SLC25A18: variants seen among roughly 807,000 people sequenced by gnomAD.
SLC25A18 encodes solute carrier family 25 member 18, also known as mitochondrial glutamate carrier 2.
A neutral mutation model predicts 31.1 loss-of-function variants in SLC25A18; 24 were observed. The ratio of observed to expected loss-of-function variants is 0.77; its 90% CI spans 0.56 to 1.08. SLC25A18 has a LOEUF of 1.08. Ranked by LOEUF, SLC25A18 falls within the 50% of genes least tolerant of loss-of-function variation. The pLI is 0.00. For missense variants in SLC25A18, 371 were observed against 418.5 expected (o/e 0.89, Z 0.99); for synonymous variants, 173 against 161.9 (o/e 1.07, Z -0.52).
intron 9 of SLC25A18, chr22:17,589,173 GTTTT>G (rs142475005): frequency 1.3e-5 from 2 of 149,602 alleles, no homozygotes; most frequent in Non-Finnish European, 2.9e-5. Context: ...CCTCATGACC[GTTTT>G]TTTTTTTCTT....
chr22:17,582,772 A>G, intron 6 of SLC25A18, 119 bp downstream of exon 6: 2 of 862,254 alleles, frequency 2.3e-6, no homozygotes, highest in Non-Finnish European at 3.7e-6. Context: ...ATATGTGCAC[A>G]CATGGCTGAG....
rs1037913597 is a variant in SLC25A18, at chr22:17,572,791, G to A, written c.-201+2805G>A. ...CGAGTAGCTGGGACTACAGGCGCCC[G>A]CCACCACGCCCGGCTAATTTTTTGT... On this transcript the variant is annotated intron_variant, in intron 2 of 10. Coordinates refer to ENST00000327451, the MANE Select transcript of SLC25A18 (RefSeq NM_031481.3). 5.3e-4 allele frequency among the ~76,000 whole-genome samples: 79 copies of A among 148,534 alleles called. 1 individual carries two copies. The highest frequency in any genetic ancestry group is 1.4e-3 in the African/African-American group (55 of 38,832).
In SLC25A18 at chr22:17,587,994, C is replaced by T. The variant is rs773373791; in HGVS notation, c.645C>T (p.Leu215=). 6.2e-6 allele frequency: 10 copies of T among 1,614,202 alleles called. No homozygotes were observed. The highest frequency in any genetic ancestry group is 4.4e-5 in the South Asian group (4 of 91,080). Residue 215 remains leucine (L), a synonymous_variant, in exon 9 of 11, where the codon CTC becomes CTT. Transcript: ENST00000327451. ...ANLNNLGFNE[L]AGKASFAHSF... ...TTAACAACCTGGGGTTCAACGAGCT[C>T]GCCGGTAAGGCGTCCTTTGCACATT...
At chr22:17,581,010 C>T (rs948116849) in intron 3 of SLC25A18, 27 bp from the exon 4 acceptor site, 1 of 1,529,810 alleles carries the variant, frequency 6.5e-7, no homozygotes, top group Non-Finnish European at 8.8e-7. Context: ...CTGCCTCTCT[C>T]CTCCCCCTGT....
At chr22:17,580,028 A>T in intron 3 of SLC25A18, 64 bp downstream of exon 3, 2 of 1,510,158 alleles carry the variant, frequency 1.3e-6, no homozygotes, top group African/African-American at 1.4e-5. Flanking sequence ...CGCTGTGGTG[A>T]TAGCACATCC....
chr22:17,585,581 A>G lies in SLC25A18; in HGVS notation c.410-1555A>G, dbSNP rs191568989. Among the ~76,000 whole-genome samples the G allele has an allele frequency of 1.3e-4, 20 of 151,806 alleles. 1 individual carries two copies. The East Asian group carries it at 2.7e-3, about 21-fold the overall frequency. ...GAAATACAGAATTTCAGTGTCACAA[A>G]TCCCATGGTTATTAATGGGGCTCAC... On this transcript the variant is annotated intron_variant, in intron 7 of 10. Transcript: ENST00000327451.
At chr22:17,575,415 A>G (rs1180459642) in intron 2 of SLC25A18, among the ~76,000 whole-genome samples, 1 of 152,210 alleles carries the variant, frequency 6.6e-6, no homozygotes, top group African/African-American at 2.4e-5. Context: ...CTGTGCAGTA[A>G]TAAGGCAGAA....
chr22:17,588,988 C>A (rs1361562011), intron 9 of SLC25A18: 1 of 151,058 alleles, frequency 6.6e-6, no homozygotes, highest in Non-Finnish European at 1.5e-5. Context: ...CACTTGAGCC[C>A]AGATGGTTGA....
chr22:17,569,918 C>T lies in SLC25A18; in HGVS notation c.-263-6C>T, dbSNP rs2057043137. The T allele has an allele frequency of 2.0e-6, 2 of 985,562 alleles. No homozygotes were observed. The highest frequency in any genetic ancestry group is 1.1e-4 in the East Asian group (1 of 8,818). 61.1% of individuals were successfully genotyped at this position (985,562 alleles called of 1,614,324 possible). A position where few individuals can be genotyped will look rare whatever the true frequency, so the allele number is the denominator to read the frequency against. ...GGCTGACACTGAAAGCCACCTCTCC[C>T]TGCAGCTCAGCAGCGATCTGAACTA... On this transcript the variant is annotated splice_polypyrimidine_tract_variant and splice_region_variant and intron_variant, in intron 1 of 10. Transcript: ENST00000327451.
chr22:17,581,518 CA>C, intron 5 of SLC25A18, 105 bp downstream of exon 5: 1 of 1,293,956 alleles, frequency 7.7e-7, no homozygotes, highest in Non-Finnish European at 1.1e-6. Flanking sequence ...CCAGGGCTGC[CA>C]GGGGGTCCTT....
chr22:17,581,201 G>A (rs748221541), intron 4 of SLC25A18, 42 bp downstream of exon 4: 9 of 1,569,394 alleles, frequency 5.7e-6, no homozygotes, highest in Non-Finnish European at 7.8e-6. Flanking sequence ...AGGCGCCCGG[G>A]GGAGGGATGG....
rs1019982083 is a variant in SLC25A18, at chr22:17,579,743, A to G, written c.-200-2A>G. 3.5e-5 allele frequency: 49 copies of G among 1,387,482 alleles called. No homozygotes were observed. The highest frequency in any genetic ancestry group is 4.4e-5 in the Non-Finnish European group (47 of 1,072,572). The allele number at this position is 1,387,482 out of a possible 1,614,324, so 85.9% of individuals were successfully genotyped here. ...GTGAGTGTTTCTCTGACTACTTTGC[A>G]GGGGAGGAAGCCGCAGCCCAAGGAG... On this transcript the variant is annotated splice_acceptor_variant, in intron 2 of 10. Coordinates refer to ENST00000327451, the MANE Select transcript of SLC25A18 (RefSeq NM_031481.3). LOFTEE classifies it low-confidence loss of function (5UTR_SPLICE).
Position 17,590,393 on chromosome 22 carries a change from C to A in SLC25A18, c.*157C>A. 1 of 820,220 alleles carries A rather than the reference C, an allele frequency of 1.2e-6. No homozygotes were observed. Among genetic ancestry groups the A allele is most frequent in the South Asian group, 2.0e-5 (1 of 49,952 alleles). 50.8% of individuals were successfully genotyped at this position (820,220 alleles called of 1,614,324 possible). A position where few individuals can be genotyped will look rare whatever the true frequency, so the allele number is the denominator to read the frequency against. On this transcript the variant is annotated 3_prime_UTR_variant, in exon 11 of 11. Transcript: ENST00000327451. The stretch of plus-strand genomic sequence containing the variant: ...CGGGAGAAACAGCCCTATATTCTAA[C>A]AAGTTGAGCACAGCCTTCTTCCCCT...
chr22:17,577,346 T>G (rs1267775586), intron 2 of SLC25A18, among the ~76,000 whole-genome samples: 1 of 150,072 alleles, frequency 6.7e-6, no homozygotes, highest in African/African-American at 2.5e-5. Flanking sequence ...TTAGTAGAGA[T>G]GGGGTTTCTC....
At chr22:17,566,582 T>C (rs1468377497) in intron 1 of SLC25A18, among the ~76,000 whole-genome samples, 3 of 152,098 alleles carry the variant, frequency 2.0e-5, no homozygotes, top group South Asian at 2.1e-4. Flanking sequence ...CCAGTTAATT[T>C]TGTATTTTTA....
rs1020877274 is a variant in SLC25A18 at position 17,579,756 on chromosome 22, G to A, written c.-189G>A. ...TGACTACTTTGCAGGGGAGGAAGCC[G>A]CAGCCCAAGGAGGTCGTCACTTGCC... On this transcript the variant is annotated 5_prime_UTR_variant, in exon 3 of 11. Transcript: ENST00000327451. 42 of 1,389,300 alleles carry A rather than the reference G, an allele frequency of 3.0e-5. No individual in the cohort carries two copies. Among genetic ancestry groups the A allele is most frequent in the East Asian group, 8.1e-5 (3 of 37,258 alleles). The allele number at this position is 1,389,300 out of a possible 1,614,324, so 86.1% of individuals were successfully genotyped here.
chr22:17,585,745 T>A lies in SLC25A18; in HGVS notation c.410-1391T>A, dbSNP rs180749607. Among the ~76,000 whole-genome samples the A allele has an allele frequency of 9.5e-3, 1,432 of 151,044 alleles. 8 individuals are homozygous for A. Among genetic ancestry groups the A allele is most frequent in the Non-Finnish European group, 0.016 (1,072 of 67,870 alleles). ...CTCACTACAACCTCTGCCTCCCAGGTTCAAGTGATTCTCCTGCCTCAGCCT... is the reference window on the plus strand; with the variant it reads ...CTCACTACAACCTCTGCCTCCCAGGATCAAGTGATTCTCCTGCCTCAGCCT... On this transcript the variant is annotated intron_variant, in intron 7 of 10. Transcript: ENST00000327451.
intron 1 of SLC25A18, among the ~76,000 whole-genome samples, chr22:17,565,023 A>T (rs961892553): frequency 1.3e-5 from 2 of 151,744 alleles, no homozygotes; most frequent in Admixed American, 6.6e-5. Context: ...GGATGCTCTT[A>T]TTTCTGCCTG....
intron 2 of SLC25A18, among the ~76,000 whole-genome samples, chr22:17,577,616 T>C (rs1398163901): frequency 6.9e-6 from 1 of 143,976 alleles, no homozygotes; most frequent in South Asian, 2.2e-4. Context: ...AGGCTCGCTG[T>C]GTCACCCAGG....
Sources: gnomAD v4.1 joint callset for allele counts (sites outside exome capture counted in the v4.1 genomes callset) on GRCh38, gnomAD v4.1.1 for gene constraint, MANE v1.5 for transcripts, NCBI Gene and HGNC (gene_info 2026-07-23, HGNC 2026-07-21) for gene names.